Variants in TAGLN observed in about 807,000 individuals in gnomAD.
TAGLN encodes the protein 22 kDa actin-binding protein.
Under a neutral mutation model 21.9 loss-of-function variants are expected in TAGLN, and 16 were observed. The ratio of observed to expected loss-of-function variants is 0.73; its 90% CI spans 0.49 to 1.11. TAGLN has a LOEUF of 1.11. TAGLN is among the 50% of genes least tolerant of loss of function. The pLI is 0.00. For synonymous variants in TAGLN, 96 were observed against 94.9 expected, an observed-to-expected ratio of 1.01 and a Z score of -0.06; for missense variants, 248 against 263.2, an observed-to-expected ratio of 0.94 and a Z score of 0.40.
At chr11:117,204,139 CG>C (rs1565295801) in intron 4 of TAGLN, 75 bp from the exon 5 acceptor site, 1 of 1,596,428 alleles carries the variant, frequency 6.3e-7, no homozygotes, top group African/African-American at 1.3e-5. Flanking sequence ...TGGGCTAGGA[CG>C]TAACAGAGGG....
At position 117,204,567 on chromosome 11, in the gene TAGLN, C is replaced by G. The variant is rs1446665304; in HGVS notation, c.*208C>G. 1 of 750,706 alleles carries G rather than the reference C, an allele frequency of 1.3e-6. No individual in the cohort carries two copies. The highest frequency in any genetic ancestry group is 2.3e-6 in the Non-Finnish European group (1 of 440,162). 46.5% of individuals were successfully genotyped at this position (750,706 alleles called of 1,614,324 possible). A position where few individuals can be genotyped will look rare whatever the true frequency, so the allele number is the denominator to read the frequency against. ...ACTTCTTACCCGAAAGCATCACTGC[C>G]TTGGCCCCTCCCTCCCGGCTGCCCC... On this transcript the variant is annotated 3_prime_UTR_variant, in exon 5 of 5. Coordinates refer to ENST00000392951, the MANE Select transcript of TAGLN (RefSeq NM_003186.5).
rs2031217091 is a variant in TAGLN, at chr11:117,203,919, G to A, written c.461+35G>A. Reference sequence around the variant, plus strand: ...CCCCAGGGAGCTTGGGTCTCCGCATGGGGTGGGAGGTGGCTTGTTCTAAGG... The same window carrying A: ...CCCCAGGGAGCTTGGGTCTCCGCATAGGGTGGGAGGTGGCTTGTTCTAAGG... On this transcript the variant is annotated intron_variant, in intron 4 of 4. Coordinates refer to ENST00000392951, the MANE Select transcript of TAGLN (RefSeq NM_003186.5). This position sits in a 1 kb window ranked among gnomAD's most constrained non-coding sequence, Gnocchi z 4.4. 6.4e-7 allele frequency: 1 copy of A among 1,564,368 alleles called. No individual in the cohort carries two copies. The highest frequency in any genetic ancestry group is 1.4e-5 in the African/African-American group (1 of 73,844).
chr11:117,200,707 C>A (rs1392226447), intron 1 of TAGLN, among the ~76,000 whole-genome samples: 1 of 152,242 alleles, frequency 6.6e-6, no homozygotes, highest in South Asian at 2.1e-4. Context: ...AAATCCTAAT[C>A]TTGTCTCTAG....
At chr11:117,201,093 A>G (rs1370763872) in intron 1 of TAGLN, 1 of 152,292 alleles carries the variant, frequency 6.6e-6, no homozygotes, top group African/African-American at 2.4e-5. Context: ...CGGGGGTGGG[A>G]CACACAGGGT....
rs778584347 is a variant in TAGLN, at chr11:117,204,401, C to T, written c.*42C>T. The T allele has an allele frequency of 6.2e-7, 1 of 1,613,890 alleles. No individual in the cohort carries two copies. The highest frequency in any genetic ancestry group is 1.3e-5 in the African/African-American group (1 of 75,068). On this transcript the variant is annotated 3_prime_UTR_variant, in exon 5 of 5. Coordinates refer to ENST00000392951, the MANE Select transcript of TAGLN (RefSeq NM_003186.5). ...CCTGAGCCCGGCCCTCCCCCAGCTC[C>T]TTGGCTGCAGCCATCCCGCTTAGCC...
In TAGLN at chr11:117,204,836, T is replaced by C. The variant is rs2031276292; in HGVS notation, c.*477T>C. 2 of 299,148 alleles carry C rather than the reference T, an allele frequency of 6.7e-6. No individual in the cohort carries two copies. Among genetic ancestry groups the C allele is most frequent in the South Asian group, 8.0e-5 (2 of 25,124 alleles). 18.5% of individuals were successfully genotyped at this position (299,148 alleles called of 1,614,324 possible). ...TGATTTGCCCTGGTCACTTTTGTTA[T>C]GGTTTCAGATCTGCGCAGGGGACAG... On this transcript the variant is annotated 3_prime_UTR_variant, in exon 5 of 5. Transcript: ENST00000392951.
At position 117,203,640 on chromosome 11, in the gene TAGLN, C is replaced by T. The variant is rs1178963143; in HGVS notation, c.359-142C>T. The T allele has an allele frequency of 3.2e-6, 4 of 1,237,206 alleles. No individual in the cohort carries two copies. The highest frequency in any genetic ancestry group is 1.5e-5 in the African/African-American group (1 of 66,812). The allele number at this position is 1,237,206 out of a possible 1,614,324, so 76.6% of individuals were successfully genotyped here. On this transcript the variant is annotated intron_variant, in intron 3 of 4. Coordinates refer to ENST00000392951, the MANE Select transcript of TAGLN (RefSeq NM_003186.5). This position sits in a 1 kb window ranked among gnomAD's most constrained non-coding sequence, Gnocchi z 4.4. ...GAATAACACGCCACGCTCACAGGGCCCACTGAGAGGCCTCCCTTGAATTGG... is the reference window on the plus strand; with the variant it reads ...GAATAACACGCCACGCTCACAGGGCTCACTGAGAGGCCTCCCTTGAATTGG...
At chr11:117,200,827 C>T (rs931859085) in intron 1 of TAGLN, among the ~76,000 whole-genome samples, 2 of 152,122 alleles carry the variant, frequency 1.3e-5, no homozygotes, top group South Asian at 4.2e-4. Context: ...GGGACACACT[C>T]TCCTTCCATC....
chr11:117,201,972 CCTGT>C lies in TAGLN; in HGVS notation c.-12-1022_-12-1019del, dbSNP rs112400620. The stretch of plus-strand genomic sequence containing the variant: ...TTTCCTGTTCCTGTTCCCAGCCACC[CCTGT>C]CTGTCTGCCCAGGGACCTACCTGCC... On this transcript the variant is annotated intron_variant, in intron 1 of 4. Coordinates refer to ENST00000392951, the MANE Select transcript of TAGLN (RefSeq NM_003186.5). 7.4e-3 allele frequency: 1,137 copies of C among 152,652 alleles called. 13 individuals carry two copies. The highest frequency in any genetic ancestry group is 0.044 in the Middle Eastern group (13 of 296). The allele number at this position is 152,652 out of a possible 1,614,324, so 9.5% of individuals were successfully genotyped here.
chr11:117,202,682 G>C (rs2031147376), intron 1 of TAGLN: 1 of 183,796 alleles, frequency 5.4e-6, no homozygotes, highest in Non-Finnish European at 1.1e-5. Flanking sequence ...GTTACATATT[G>C]TCTATGGCTG....
chr11:117,204,094 T>C, intron 4 of TAGLN, 121 bp from the exon 5 acceptor site: 1 of 1,455,558 alleles, frequency 6.9e-7, no homozygotes, highest in Non-Finnish European at 9.4e-7. Context: ...CAAGCTAGAT[T>C]AGGGAAAAAA....
At chr11:117,201,418 C>T (rs747048869) in intron 1 of TAGLN, 9 of 152,204 alleles carry the variant, frequency 5.9e-5, no homozygotes, top group Non-Finnish European at 1.3e-4. Context: ...AAAGAACTGA[C>T]ATTTTGAGGT....
At position 117,204,673 on chromosome 11, in the gene TAGLN, GTCC is replaced by G; in HGVS notation, c.*319_*321del. ...AGCCTGGATGTGGGCCAAGTCCACT[GTCC>G]TCCTTGGCGGCAAAAGCCCATTGAA... On this transcript the variant is annotated 3_prime_UTR_variant, in exon 5 of 5. Transcript: ENST00000392951. 2.3e-6 allele frequency: 1 copy of G among 443,984 alleles called. No individual in the cohort carries two copies. Among genetic ancestry groups the G allele is most frequent in the Non-Finnish European group, 4.2e-6 (1 of 238,064 alleles). 27.5% of individuals were successfully genotyped at this position (443,984 alleles called of 1,614,324 possible).
chr11:117,203,057 A>G lies in TAGLN; in HGVS notation c.44A>G (p.Gln15Arg). The part of the protein sequence containing the change: ...GPSYGMSREV[Q>R]SKIEKKYDEE... ...TCCTATGGCATGAGCCGCGAAGTGC[A>G]GTCCAAAATCGAGAAGAAGTATGAC... Residue 15 changes from glutamine (Q) to arginine (R), a missense_variant, in exon 2 of 5, where the codon CAG becomes CGG. Coordinates refer to ENST00000392951, the MANE Select transcript of TAGLN (RefSeq NM_003186.5). This position sits in a 1 kb window ranked among gnomAD's most constrained non-coding sequence, Gnocchi z 4.4. 1 of 1,606,538 alleles carries G rather than the reference A, an allele frequency of 6.2e-7. No individual in the cohort carries two copies. Among genetic ancestry groups the G allele is most frequent in the Non-Finnish European group, 8.5e-7 (1 of 1,176,354 alleles).
chr11:117,203,154 T>C lies in TAGLN; in HGVS notation c.141T>C (p.Arg47=). The stretch of plus-strand genomic sequence containing the variant: ...GCCCTGATGTGGGCCGCCCAGACCG[T>C]GGGCGCTTGGGCTTCCAGGTCTGGC... The part of the protein sequence containing the change: ...QCGPDVGRPD[R]GRLGFQVWLK... The change falls in exon 2 of 5, where the codon CGT becomes CGC. Residue 47 remains arginine (R), a synonymous_variant. Transcript: ENST00000392951. This position sits in a 1 kb window ranked among gnomAD's most constrained non-coding sequence, Gnocchi z 4.4. The C allele has an allele frequency of 6.3e-7, 1 of 1,593,996 alleles. No individual in the cohort carries two copies. Among genetic ancestry groups the C allele is most frequent in the East Asian group, 2.2e-5 (1 of 44,530 alleles).
chr11:117,202,888 G>T, intron 1 of TAGLN, 114 bp from the exon 2 acceptor site: 1 of 934,666 alleles, frequency 1.1e-6, no homozygotes. Context: ...GCTGTGACAA[G>T]TGTCTAGGAT....
intron 1 of TAGLN, chr11:117,199,949 C>G (rs1232788047): frequency 6.6e-6 from 1 of 152,164 alleles, no homozygotes; most frequent in Non-Finnish European, 1.5e-5. Context: ...CTCTTGTATT[C>G]CAGTCAGGGG....
Position 117,204,631 on chromosome 11 carries a change from A to C in TAGLN, c.*272A>C, listed in dbSNP as rs563139956. ...GTCTCCTCCCTGGGCTAAGCAGGGGAGAAGCGGGCTGGGGGTAGCCTGGAT... is the reference window on the plus strand; with the variant it reads ...GTCTCCTCCCTGGGCTAAGCAGGGGCGAAGCGGGCTGGGGGTAGCCTGGAT... On this transcript the variant is annotated 3_prime_UTR_variant, in exon 5 of 5. Coordinates refer to ENST00000392951, the MANE Select transcript of TAGLN (RefSeq NM_003186.5). The C allele has an allele frequency of 1.9e-6, 1 of 539,754 alleles. No homozygotes were observed. Among genetic ancestry groups the C allele is most frequent in the African/African-American group, 1.9e-5 (1 of 53,450 alleles). The allele number at this position is 539,754 out of a possible 1,614,324, so 33.4% of individuals were successfully genotyped here.
chr11:117,203,649 G>A lies in TAGLN; in HGVS notation c.359-133G>A. The A allele has an allele frequency of 8.0e-7, 1 of 1,245,338 alleles. No individual in the cohort carries two copies. The highest frequency in any genetic ancestry group is 1.4e-5 in the South Asian group (1 of 71,494). The allele number at this position is 1,245,338 out of a possible 1,614,324, so 77.1% of individuals were successfully genotyped here. Reference sequence around the variant, plus strand: ...GCCACGCTCACAGGGCCCACTGAGAGGCCTCCCTTGAATTGGGGACAACTC... The same window carrying A: ...GCCACGCTCACAGGGCCCACTGAGAAGCCTCCCTTGAATTGGGGACAACTC... On this transcript the variant is annotated intron_variant, in intron 3 of 4. Transcript: ENST00000392951. This position sits in a 1 kb window ranked among gnomAD's most constrained non-coding sequence, Gnocchi z 4.4.
Sources: gnomAD v4.1 joint callset for allele counts (sites outside exome capture counted in the v4.1 genomes callset) on GRCh38, gnomAD v4.1.1 for gene constraint, Gnocchi (gnomAD v3.1) non-coding constraint, MANE v1.5 for transcripts, NCBI Gene and HGNC (gene_info 2026-07-23, HGNC 2026-07-21) for gene names.